ZNF81: variants seen among roughly 807,000 people sequenced by gnomAD.
The protein encoded by ZNF81 is zinc finger protein 81, also known as zinc finger protein 81 (HFZ20).
Under a neutral mutation model 32.3 loss-of-function variants are expected in ZNF81, and 5 were observed. That is an observed-to-expected ratio of 0.15 (90% CI 0.08 to 0.33). The LOEUF is 0.33. Ranked by LOEUF, ZNF81 falls within the 10% of genes least tolerant of loss-of-function variation. The pLI is 1.00. For synonymous variants in ZNF81, 163 were observed against 166.8 expected (o/e 0.98, Z 0.17); for missense variants, 379 against 479.8 (o/e 0.79, Z 1.96).
At chrX:47,867,255 A>C (rs1170155431) in intron 2 of ZNF81, among the ~76,000 whole-genome samples, 3 of 111,959 alleles carry the variant, frequency 2.7e-5, no homozygotes, top group Non-Finnish European at 5.6e-5. Flanking sequence ...GCTGGAACTT[A>C]AAATAAAAAC....
intron 2 of ZNF81, among the ~76,000 whole-genome samples, chrX:47,876,546 C>T (rs2058600367): frequency 8.9e-6 from 1 of 112,072 alleles, no homozygotes; most frequent in African/African-American, 3.2e-5. Context: ...CAAGAGCAGT[C>T]CGGGCCTTGC....
intron 2 of ZNF81, among the ~76,000 whole-genome samples, chrX:47,862,309 A>G (rs1451696314): frequency 9.1e-6 from 1 of 110,089 alleles, no homozygotes; most frequent in East Asian, 2.9e-4. Flanking sequence ...CAGGCGGATC[A>G]GGAGTTCGAG....
intron 4 of ZNF81, among the ~76,000 whole-genome samples, chrX:47,904,399 A>G (rs782110225): frequency 1.6e-4 from 17 of 105,065 alleles, no homozygotes; most frequent in African/African-American, 5.2e-4. Flanking sequence ...AAAAGTGGGC[A>G]AAGGATATGA....
intron 2 of ZNF81, among the ~76,000 whole-genome samples, chrX:47,862,857 T>G (rs868975126): frequency 4.3e-4 from 48 of 111,613 alleles, no homozygotes; most frequent in African/African-American, 1.5e-3. Context: ...GGTGGGTTGT[T>G]GTTTTTGCAT....
chrX:47,871,667 A>G lies in ZNF81; in HGVS notation c.55-16332A>G, dbSNP rs373699162. 4.5e-5 allele frequency among the ~76,000 whole-genome samples: 5 copies of G among 112,009 alleles called. No homozygotes were observed. In the East Asian group the frequency reaches 1.1e-3, roughly 25 times the overall value. On this transcript the variant is annotated intron_variant, in intron 2 of 4. Transcript: ENST00000338637. ...AAGCACAAGATTAGGATTGGGTAAT[A>G]ATGCTGATTCATAATTAATAAGATA... is the stretch of plus-strand genomic sequence containing the variant.
rs1057515913 is a variant in ZNF81, at chrX:47,918,802, TGC to T, written c.*2171_*2172del. On this transcript the variant is annotated 3_prime_UTR_variant, in exon 5 of 5. Transcript: ENST00000338637. ...CTGTGCCCTAATCAAGAAACGTATC[TGC>T]CCCTGGAGCCAAGGGAACCGACAAC... The T allele has an allele frequency of 8.5e-6, 1 of 118,270 alleles. No individual in the cohort carries two copies. Among genetic ancestry groups the T allele is most frequent in the Non-Finnish European group, 1.8e-5 (1 of 57,114 alleles). The allele number at this position is 118,270 out of a possible 1,213,427, so 9.7% of individuals were successfully genotyped here.
At chrX:47,858,089 ATGGAAC>A (rs1210202600) in intron 2 of ZNF81, among the ~76,000 whole-genome samples, 2 of 111,783 alleles carry the variant, frequency 1.8e-5, no homozygotes, top group Non-Finnish European at 3.8e-5. Flanking sequence ...ATGAATAGTG[ATGGAAC>A]TGTTATAAAT....
chrX:47,909,926 A>G, intron 4 of ZNF81, among the ~76,000 whole-genome samples: 1 of 110,773 alleles, frequency 9.0e-6, no homozygotes, highest in East Asian at 2.8e-4. Context: ...TGTCCCTACA[A>G]AGGACATGAA....
chrX:47,879,620 A>C (rs781801606), intron 2 of ZNF81, among the ~76,000 whole-genome samples: 25 of 112,019 alleles, frequency 2.2e-4, no homozygotes, highest in Non-Finnish European at 3.6e-4. Context: ...ATGGGCAATA[A>C]ATCTGCCTCT....
intron 2 of ZNF81, among the ~76,000 whole-genome samples, chrX:47,857,673 A>G (rs1467781784): frequency 2.7e-5 from 3 of 111,223 alleles, no homozygotes; most frequent in Middle Eastern, 4.2e-3. Context: ...TCTCACAAGC[A>G]TGCAACATGC....
intron 2 of ZNF81, among the ~76,000 whole-genome samples, chrX:47,847,223 A>G (rs2058474407): frequency 9.0e-6 from 1 of 111,460 alleles, no homozygotes; most frequent in Non-Finnish European, 1.9e-5. Flanking sequence ...AGGTGCCATT[A>G]TTATCTTTAG....
intron 2 of ZNF81, among the ~76,000 whole-genome samples, chrX:47,884,527 G>A (rs1009566606): frequency 2.4e-4 from 27 of 110,914 alleles, no homozygotes; most frequent in Non-Finnish European, 4.3e-4. Context: ...GTAAGATTCA[G>A]TTTCTTGCAG....
intron 2 of ZNF81, among the ~76,000 whole-genome samples, chrX:47,860,469 A>G (rs2058535542): frequency 9.1e-6 from 1 of 110,180 alleles, no homozygotes; most frequent in African/African-American, 3.3e-5. Flanking sequence ...GCTGATCACC[A>G]GAAAGACCAA....
chrX:47,903,458 C>A (rs2058706653), intron 4 of ZNF81, among the ~76,000 whole-genome samples: 1 of 86,119 alleles, frequency 1.2e-5, no homozygotes, highest in African/African-American at 4.2e-5. Flanking sequence ...CTCCCATTCA[C>A]AATTGCTTCA....
intron 2 of ZNF81, among the ~76,000 whole-genome samples, chrX:47,874,082 C>T (rs1182397182): frequency 1.8e-5 from 2 of 112,058 alleles, no homozygotes; most frequent in African/African-American, 6.5e-5. Flanking sequence ...CAAAGGCAGA[C>T]AGGACCAGAG....
intron 2 of ZNF81, among the ~76,000 whole-genome samples, chrX:47,852,758 T>C (rs2058500607): frequency 8.9e-6 from 1 of 112,821 alleles, no homozygotes; most frequent in Admixed American, 9.4e-5. Flanking sequence ...CTTTCCAGAC[T>C]TCTGTTATTG....
Position 47,925,315 on chromosome X carries a change from C to G in ZNF81, c.*8683C>G, listed in dbSNP as rs887226771. Among the ~76,000 whole-genome samples the G allele has an allele frequency of 2.7e-5, 3 of 111,562 alleles. No homozygotes were observed. The highest frequency in any genetic ancestry group is 3.8e-5 in the Non-Finnish European group (2 of 53,042). On this transcript the variant is annotated 3_prime_UTR_variant, in exon 5 of 5. Transcript: ENST00000338637. The stretch of plus-strand genomic sequence containing the variant: ...CTCTTTGTCATTCAGCCCCCTTTCC[C>G]CACATTCTTCCCACATCCACAGGCA...
intron 2 of ZNF81, among the ~76,000 whole-genome samples, chrX:47,847,937 C>T (rs1448709531): frequency 3.9e-5 from 4 of 103,249 alleles, no homozygotes; most frequent in Middle Eastern, 5.3e-3. Flanking sequence ...TTTTTTTAGA[C>T]GGAGTCTTGC....
intron 2 of ZNF81, among the ~76,000 whole-genome samples, chrX:47,884,380 G>T (rs1297226709): frequency 9.2e-6 from 1 of 109,065 alleles, no homozygotes; most frequent in East Asian, 2.9e-4. Context: ...CACAGTTTCT[G>T]TAGGTCAGGA....
Sources: allele counts gnomAD v4.1 joint callset (sites outside exome capture counted in the v4.1 genomes callset), GRCh38; gene constraint gnomAD v4.1.1; transcripts MANE v1.5; gene names NCBI Gene and HGNC (gene_info 2026-07-23, HGNC 2026-07-21).